Variants in PLXNA4 observed in about 807,000 individuals in gnomAD.
The protein encoded by PLXNA4 is plexin A4.
In PLXNA4, 44 loss-of-function variants were observed where a neutral mutation model predicts 191.8. The observed-to-expected ratio is 0.23, with a 90% confidence interval of 0.18 to 0.29. PLXNA4 has a LOEUF of 0.29. PLXNA4 is among the 10% of genes least tolerant of loss of function. The probability of loss-of-function intolerance (pLI) is 1.00; values close to 1 mark genes in which losing one functional copy is unlikely to be tolerated. For synonymous variants in PLXNA4, 1,082 were observed against 1,009.5 expected (o/e 1.07, Z -1.36); for missense variants, 1,800 against 2,488.8 (o/e 0.72, Z 5.89).
In PLXNA4 at chr7:132,124,469, T is replaced by A. The variant is rs956733701; in HGVS notation, c.*6010A>T. On this transcript the variant is annotated 3_prime_UTR_variant, in exon 32 of 32. Coordinates refer to ENST00000321063, the MANE Select transcript of PLXNA4 (RefSeq NM_020911.2). ...CTTTAACTGTATCCTCTGTTTTAAA[T>A]TCTACTTTTGTAAGGGAGCCCTTCC... 1 of 152,230 alleles carries A rather than the reference T, an allele frequency of 6.6e-6. No homozygotes were observed. Among genetic ancestry groups the A allele is most frequent in the Non-Finnish European group, 1.5e-5 (1 of 68,038 alleles). 9.4% of individuals were successfully genotyped at this position (152,230 alleles called of 1,614,324 possible).
intron 1 of PLXNA4, among the ~76,000 whole-genome samples, chr7:132,529,607 CTT>C (rs35449894): frequency 3.7e-5 from 5 of 136,084 alleles, no homozygotes; most frequent in Admixed American, 7.4e-5. Context: ...AATAGGTATT[CTT>C]TTTTTTTTTT....
intron 2 of PLXNA4, among the ~76,000 whole-genome samples, chr7:132,587,418 G>A (rs1301007874): frequency 1.3e-5 from 2 of 152,318 alleles, no homozygotes; most frequent in East Asian, 3.9e-4. Flanking sequence ...AAAATAAATT[G>A]TCTTGAGTGG....
chr7:132,331,265 C>T lies in PLXNA4; in HGVS notation c.1372-33043G>A, dbSNP rs895641207. On this transcript the variant is annotated intron_variant, in intron 3 of 31. Coordinates refer to ENST00000321063, the MANE Select transcript of PLXNA4 (RefSeq NM_020911.2). Reference sequence around the variant, plus strand: ...AGATGGATATGGGAGCATCTCCCTGCCTTGGCCCCTGAACCTTGCCAGCTG... The same window carrying T: ...AGATGGATATGGGAGCATCTCCCTGTCTTGGCCCCTGAACCTTGCCAGCTG... Among the ~76,000 whole-genome samples the T allele has an allele frequency of 3.2e-4, 49 of 152,268 alleles. 2 individuals carry two copies.
intron 2 of PLXNA4, among the ~76,000 whole-genome samples, chr7:132,500,334 T>A (rs1798193903): frequency 6.6e-6 from 1 of 152,036 alleles, no homozygotes; most frequent in Non-Finnish European, 1.5e-5. Context: ...TCCCAGCTAC[T>A]CAGGAGGCTG....
intron 3 of PLXNA4, among the ~76,000 whole-genome samples, chr7:132,476,939 T>G (rs1428244731): frequency 1.3e-5 from 2 of 152,172 alleles, no homozygotes; most frequent in African/African-American, 4.8e-5. Context: ...GTTTCAGTTT[T>G]AGGAGGAAAA....
intron 1 of PLXNA4, among the ~76,000 whole-genome samples, chr7:132,524,378 C>T (rs1799315664): frequency 6.6e-6 from 1 of 152,140 alleles, no homozygotes; most frequent in Admixed American, 6.5e-5. Context: ...AAATTCCCAA[C>T]CAAAGTTAAT....
At chr7:132,313,912 G>A (rs750340195) in intron 3 of PLXNA4, among the ~76,000 whole-genome samples, 7 of 152,078 alleles carry the variant, frequency 4.6e-5, no homozygotes, top group East Asian at 1.9e-4. Context: ...GAAAAGTGCC[G>A]GGGAAAGGGA....
At chr7:132,533,956 T>C (rs1405019681) in intron 1 of PLXNA4, among the ~76,000 whole-genome samples, 1 of 151,608 alleles carries the variant, frequency 6.6e-6, no homozygotes, top group Non-Finnish European at 1.5e-5. Flanking sequence ...TTACTATTAT[T>C]ATGTTAACAA....
At chr7:132,412,242 T>C (rs1222786070) in intron 3 of PLXNA4, among the ~76,000 whole-genome samples, 1 of 152,244 alleles carries the variant, frequency 6.6e-6, no homozygotes, top group Non-Finnish European at 1.5e-5. Flanking sequence ...TTTATTTGTT[T>C]GGTTTTTGGC....
intron 2 of PLXNA4, among the ~76,000 whole-genome samples, chr7:132,615,984 C>T (rs897719907): frequency 1.6e-5 from 2 of 121,462 alleles, no homozygotes; most frequent in Non-Finnish European, 3.8e-5. Context: ...CGCCTGCTTT[C>T]GCCCTATCCC....
At chr7:132,597,104 C>G (rs542023953) in intron 2 of PLXNA4, among the ~76,000 whole-genome samples, 25 of 152,278 alleles carry the variant, frequency 1.6e-4, no homozygotes, top group African/African-American at 6.0e-4. Context: ...GTCACCAGCC[C>G]GGTGCTATGG....
intron 3 of PLXNA4, among the ~76,000 whole-genome samples, chr7:132,318,428 G>T (rs1325046539): frequency 6.6e-6 from 1 of 152,144 alleles, no homozygotes; most frequent in Non-Finnish European, 1.5e-5. Flanking sequence ...CGCTAAGCTG[G>T]GGGAGGGTCA....
intron 3 of PLXNA4, among the ~76,000 whole-genome samples, chr7:132,310,761 C>T (rs67223719): frequency 0.076 from 11,574 of 152,256 alleles, 640 homozygotes; most frequent in African/African-American, 0.15. Context: ...TGGGCTCTGC[C>T]CTAGGTTCTT....
intron 1 of PLXNA4, among the ~76,000 whole-genome samples, chr7:132,560,610 T>G (rs1800996652): frequency 6.6e-6 from 1 of 152,080 alleles, no homozygotes; most frequent in Admixed American, 6.5e-5. Context: ...TCCGCCGGCC[T>G]CCTGGTCACT....
chr7:132,553,202 G>A (rs1443788174), intron 1 of PLXNA4, among the ~76,000 whole-genome samples: 1 of 152,206 alleles, frequency 6.6e-6, no homozygotes, highest in Non-Finnish European at 1.5e-5. Context: ...CCCCAGGCAT[G>A]GCCTGCAACC....
chr7:132,343,483 C>T (rs904546603), intron 3 of PLXNA4, among the ~76,000 whole-genome samples: 11 of 152,216 alleles, frequency 7.2e-5, no homozygotes, highest in Admixed American at 7.2e-4. Flanking sequence ...ATTTCATAAT[C>T]AGTGTTGCAC....
At position 132,298,162 on chromosome 7, in the gene PLXNA4, G is replaced by A. The variant is rs868392071; in HGVS notation, c.1432C>T (p.Pro478Ser). The A allele has an allele frequency of 4.3e-6, 7 of 1,614,140 alleles. No individual in the cohort carries two copies. The highest frequency in any genetic ancestry group is 5.1e-6 in the Non-Finnish European group (6 of 1,180,020). ...LQYETVQVVDPGPVLRDMAFS... is the reference protein window; with the variant it reads ...LQYETVQVVDSGPVLRDMAFS... ...GCCATATCCCGGAGGACTGGGCCGGGGTCCACCACCTGCACCGTCTCATAC... is the reference window on the plus strand; with the variant it reads ...GCCATATCCCGGAGGACTGGGCCGGAGTCCACCACCTGCACCGTCTCATAC... The change falls in exon 4 of 32, where the codon CCC becomes TCC. Residue 478 changes from proline (P) to serine (S), a missense_variant. This residue lies in a region of PLXNA4 where 1,397 missense variants were observed against 1,880.4 expected (regional missense o/e 0.74). Transcript: ENST00000321063.
intron 4 of PLXNA4, among the ~76,000 whole-genome samples, chr7:132,277,152 G>T (rs1251946601): frequency 2.0e-5 from 3 of 152,192 alleles, no homozygotes; most frequent in Non-Finnish European, 4.4e-5. Context: ...GAAACACGGG[G>T]TTGCTTAGAA....
intron 2 of PLXNA4, among the ~76,000 whole-genome samples, chr7:132,499,493 G>T (rs1182346074): frequency 6.6e-6 from 1 of 152,214 alleles, no homozygotes; most frequent in Non-Finnish European, 1.5e-5. Context: ...AACCCCAGTG[G>T]CTACCTGTCA....
Sources: allele counts gnomAD v4.1 joint callset (sites outside exome capture counted in the v4.1 genomes callset), GRCh38; gene constraint gnomAD v4.1.1; regional missense constraint gnomAD v4.1.1; transcripts MANE v1.5; gene names NCBI Gene and HGNC (gene_info 2026-07-23, HGNC 2026-07-21).